DACH1: variants seen among roughly 807,000 people sequenced by gnomAD.
The protein encoded by DACH1 is dachshund homolog 1.
A neutral mutation model predicts 54.2 loss-of-function variants in DACH1; 12 were observed. The observed-to-expected ratio is 0.22, with a 90% CI of 0.14 to 0.36. The LOEUF is 0.36. Among genes scored for constraint, DACH1 ranks in the 10% least tolerant of loss-of-function variants. The pLI is 1.00. For missense variants in DACH1, 805 were observed against 929.8 expected, an observed-to-expected ratio of 0.87 and a Z score of 1.75; for synonymous variants, 386 against 366.2, an observed-to-expected ratio of 1.05 and a Z score of -0.62.
At chr13:71,772,172 T>C (rs1000136124) in intron 1 of DACH1, among the ~76,000 whole-genome samples, 7 of 151,644 alleles carry the variant, frequency 4.6e-5, no homozygotes, top group African/African-American at 9.7e-5. Flanking sequence ...AATATGAATA[T>C]GTTCTGATGT....
chr13:71,829,596 G>A (rs1414469068), intron 1 of DACH1, among the ~76,000 whole-genome samples: 1 of 151,830 alleles, frequency 6.6e-6, no homozygotes, highest in Non-Finnish European at 1.5e-5. Context: ...TTATCTCCAA[G>A]CATTCTCTTC....
chr13:71,452,117 T>G (rs1380456234), intron 10 of DACH1, among the ~76,000 whole-genome samples: 1 of 148,316 alleles, frequency 6.7e-6, no homozygotes, highest in African/African-American at 2.6e-5. Context: ...TGTTTTGTTG[T>G]TTTTTTGTAT....
chr13:71,678,599 T>A (rs1880707705), intron 2 of DACH1, among the ~76,000 whole-genome samples: 1 of 143,944 alleles, frequency 6.9e-6, no homozygotes, highest in African/African-American at 2.5e-5. Context: ...CCTGCCTCCC[T>A]CCCTCCCTCC....
intron 3 of DACH1, among the ~76,000 whole-genome samples, chr13:71,581,365 A>G (rs1483056718): frequency 6.6e-6 from 1 of 152,094 alleles, no homozygotes; most frequent in Non-Finnish European, 1.5e-5. Context: ...CCTGGGTTCA[A>G]GCGATTCTTC....
intron 6 of DACH1, among the ~76,000 whole-genome samples, chr13:71,512,299 T>G (rs1386420952): frequency 2.0e-5 from 3 of 151,930 alleles, no homozygotes; most frequent in African/African-American, 7.2e-5. Flanking sequence ...TATGTTCCTC[T>G]GCCCTACACA....
chr13:71,683,341 AG>A (rs1406202700), intron 1 of DACH1, among the ~76,000 whole-genome samples: 1 of 152,152 alleles, frequency 6.6e-6, no homozygotes, highest in African/African-American at 2.4e-5. Flanking sequence ...GGAAGGAAGA[AG>A]GCAGCGGGAA....
chr13:71,790,911 C>A (rs553275177), intron 1 of DACH1, among the ~76,000 whole-genome samples: 1 of 152,146 alleles, frequency 6.6e-6, no homozygotes. Flanking sequence ...TAGAGCCCCC[C>A]GGTAATTGAA....
intron 1 of DACH1, among the ~76,000 whole-genome samples, chr13:71,865,712 AAG>A (rs1325085329): frequency 6.6e-6 from 1 of 152,082 alleles, no homozygotes; most frequent in Admixed American, 6.5e-5. Flanking sequence ...GACCGGGCCG[AAG>A]AGCGAGGTCT....
rs1195713933 is a variant in DACH1 at position 71,475,858 on chromosome 13, G to C, written c.1871-9C>G. On this transcript the variant is annotated splice_polypyrimidine_tract_variant and intron_variant, in intron 8 of 10. Transcript: ENST00000613252. ...CCTCTTTTGAACTATGGCTAAAAAA[G>C]AGTGTATGCATATTATTATTATTAT... The C allele has an allele frequency of 6.3e-7, 1 of 1,585,512 alleles. No individual in the cohort carries two copies. The highest frequency in any genetic ancestry group is 8.6e-7 in the Non-Finnish European group (1 of 1,166,308).
chr13:71,583,803 C>G (rs556126789), intron 3 of DACH1, among the ~76,000 whole-genome samples: 1 of 152,252 alleles, frequency 6.6e-6, no homozygotes, highest in South Asian at 2.1e-4. Flanking sequence ...CCGCTGCATT[C>G]CAGCCTGGGT....
At chr13:71,526,698 G>C (rs974859386) in intron 6 of DACH1, among the ~76,000 whole-genome samples, 1 of 146,924 alleles carries the variant, frequency 6.8e-6, no homozygotes, top group East Asian at 2.2e-4. Context: ...ACATACATAT[G>C]TGTGTGTGTA....
chr13:71,834,957 C>A (rs1165151731), intron 1 of DACH1, among the ~76,000 whole-genome samples: 1 of 151,940 alleles, frequency 6.6e-6, no homozygotes, highest in East Asian at 1.9e-4. Flanking sequence ...CAGTGTTTGT[C>A]CATGTGCAGG....
At chr13:71,750,742 T>C (rs1011514393) in intron 1 of DACH1, among the ~76,000 whole-genome samples, 1 of 152,188 alleles carries the variant, frequency 6.6e-6, no homozygotes, top group Non-Finnish European at 1.5e-5. Context: ...TTATCTAATA[T>C]TTCTACACTG....
At chr13:71,563,979 G>A (rs1194713757) in intron 4 of DACH1, among the ~76,000 whole-genome samples, 1 of 151,842 alleles carries the variant, frequency 6.6e-6, no homozygotes, top group Non-Finnish European at 1.5e-5. Flanking sequence ...CTAATGTATT[G>A]TTCTTTGAAG....
intron 3 of DACH1, among the ~76,000 whole-genome samples, chr13:71,611,376 T>A (rs1196122747): frequency 6.6e-6 from 1 of 152,252 alleles, no homozygotes; most frequent in African/African-American, 2.4e-5. Context: ...GAATCGTCCA[T>A]GGACTTATTC....
At chr13:71,820,793 CT>C in intron 1 of DACH1, among the ~76,000 whole-genome samples, 1 of 152,224 alleles carries the variant, frequency 6.6e-6, no homozygotes. Flanking sequence ...CATTCATCTT[CT>C]AAAAGCTGTT....
chr13:71,785,646 G>A (rs902767905), intron 1 of DACH1, among the ~76,000 whole-genome samples: 1 of 152,142 alleles, frequency 6.6e-6, no homozygotes, highest in Non-Finnish European at 1.5e-5. Context: ...TGTTGACTGG[G>A]CTCAGCTCAT....
At chr13:71,675,636 G>C (rs892962877) in intron 2 of DACH1, among the ~76,000 whole-genome samples, 13 of 152,044 alleles carry the variant, frequency 8.6e-5, no homozygotes, top group African/African-American at 3.1e-4. Flanking sequence ...ACAGAAATCA[G>C]GTATTGGCAG....
Position 71,824,008 on chromosome 13 carries a change from T to C in DACH1, c.848+41914A>G, listed in dbSNP as rs190430017. ...GAAATAGCTTACTAATGTTTTTCTA[T>C]ATGGAATAGTTCACAATTCTTCAAA... On this transcript the variant is annotated intron_variant, in intron 1 of 10. Transcript: ENST00000613252. Among the ~76,000 whole-genome samples the C allele has an allele frequency of 3.2e-4, 48 of 152,112 alleles. 1 individual carries two copies. The East Asian group carries it at 9.3e-3, about 29-fold the overall frequency.
Sources: allele counts gnomAD v4.1 joint callset (sites outside exome capture counted in the v4.1 genomes callset), GRCh38; gene constraint gnomAD v4.1.1; transcripts MANE v1.5; gene names NCBI Gene and HGNC (gene_info 2026-07-23, HGNC 2026-07-21).